The following DDX11 variants were observed in gnomAD, a reference collection of about 807,000 sequenced individuals.
DDX11 encodes ATP-dependent DNA helicase DDX11.
A neutral mutation model predicts 125.2 loss-of-function variants in DDX11; 72 were observed. That is an observed-to-expected ratio of 0.58 (90% CI 0.48 to 0.70). The LOEUF is 0.70. DDX11 is among the 30% of genes least tolerant of loss of function. The probability of loss-of-function intolerance (pLI) is 0.00; values close to 1 mark genes in which losing one functional copy is unlikely to be tolerated. For synonymous variants in DDX11, 347 were observed against 452.6 expected (o/e 0.77, Z 2.96); for missense variants, 883 against 1,165.0 (o/e 0.76, Z 3.52).
intron 9 of DDX11, 183 bp from the exon 10 acceptor site, chr12:31,091,536 A>G (rs1244021582): frequency 4.9e-6 from 3 of 614,706 alleles, no homozygotes; most frequent in Admixed American, 5.7e-5. Context: ...CCTGTGTTTC[A>G]TGTATTGGCT....
chr12:31,090,562 C>T (rs1382910258), intron 9 of DDX11, among the ~76,000 whole-genome samples: 9 of 152,076 alleles, frequency 5.9e-5, no homozygotes, highest in South Asian at 2.1e-4. Context: ...ACCTGCAGCA[C>T]GTGAGAATAC....
In DDX11 at chr12:31,078,527, C is replaced by T. The variant is rs1342410083; in HGVS notation, c.134C>T (p.Pro45Leu). 1.2e-6 allele frequency: 2 copies of T among 1,611,568 alleles called. No individual in the cohort carries two copies. Among genetic ancestry groups the T allele is most frequent in the Non-Finnish European group, 1.7e-6 (2 of 1,179,724 alleles). The change falls in exon 2 of 27, where the codon CCA (proline) becomes CTA (leucine). Residue 45 changes from proline (P) to leucine (L), a missense_variant. Pro to Leu is a moderately conservative substitution (Grantham distance 98). Transcript: ENST00000542838. Reference protein sequence around the residue: ...EAGKIGIFESPTGTGKSLSLI... With the variant: ...EAGKIGIFESLTGTGKSLSLI... ...GGCAAGATTGGGATATTTGAGAGTC[C>T]AACTGGCACTGTGAGTATGAACAGT...
chr12:31,097,629 G>A (rs1199162437), intron 17 of DDX11, among the ~76,000 whole-genome samples: 1 of 140,530 alleles, frequency 7.1e-6, no homozygotes, highest in Non-Finnish European at 1.5e-5. Flanking sequence ...GCAGGGAGCC[G>A]AGATTGAGCC....
At chr12:31,099,146 G>T (rs1243335094) in intron 18 of DDX11, among the ~76,000 whole-genome samples, 1 of 138,664 alleles carries the variant, frequency 7.2e-6, no homozygotes, top group Non-Finnish European at 1.5e-5. Flanking sequence ...GGAGCGCAGT[G>T]ACCTGATCAC....
At chr12:31,101,756 A>C (rs972948245) in intron 20 of DDX11, 77 bp from the exon 21 acceptor site, 2 of 1,591,802 alleles carry the variant, frequency 1.3e-6, no homozygotes, top group African/African-American at 2.7e-5. Context: ...TTTGAGTCTC[A>C]AGGTGAAGAC....
In DDX11 at chr12:31,087,883, G is replaced by A. The variant is rs983028312; in HGVS notation, c.639-55G>A. 2,550 of 1,580,952 alleles carry A rather than the reference G, an allele frequency of 1.6e-3. 6 individuals are homozygous for A. The highest frequency in any genetic ancestry group is 2.0e-3 in the Non-Finnish European group (2,321 of 1,164,844). The stretch of plus-strand genomic sequence containing the variant: ...CCAGCGCTCAGCAGATGCTCAGTGC[G>A]TTTTGCTGAGTTTGCTGAGGGAAGA... On this transcript the variant is annotated intron_variant, in intron 5 of 26. Coordinates refer to ENST00000542838, the MANE Select transcript of DDX11 (RefSeq NM_030653.4).
At chr12:31,081,460 TCAAGTTGAGTCAC>T (rs1941917945) in intron 2 of DDX11, among the ~76,000 whole-genome samples, 1 of 152,120 alleles carries the variant, frequency 6.6e-6, no homozygotes, top group South Asian at 2.1e-4. Context: ...TACAGGTCTA[TCAAGTTGAGTCAC>T]CATTACCACT....
rs548249822 is a variant in DDX11, at chr12:31,095,668, G to A, written c.1483-673G>A. ...TGTCTCCCACATGCCTGTGACAGCC[G>A]CCAGGCCTGACAGCCTGAGACAGTC... On this transcript the variant is annotated intron_variant, in intron 14 of 26. Coordinates refer to ENST00000542838, the MANE Select transcript of DDX11 (RefSeq NM_030653.4). 1.4e-3 allele frequency among the ~76,000 whole-genome samples: 215 copies of A among 152,242 alleles called. 2 individuals are homozygous for A. The highest frequency in any genetic ancestry group is 5.0e-3 in the African/African-American group (207 of 41,540).
chr12:31,078,419 G>C lies in DDX11; in HGVS notation c.26G>C (p.Gly9Ala), dbSNP rs527700858. 1 of 1,610,108 alleles carries C rather than the reference G, an allele frequency of 6.2e-7. No homozygotes were observed. The highest frequency in any genetic ancestry group is 8.5e-7 in the Non-Finnish European group (1 of 1,178,100). MANETQKVGAIHFPFPFTP... is the reference protein window; with the variant it reads MANETQKVAAIHFPFPFTP... ...ATGGCTAATGAAACACAGAAGGTTG[G>C]TGCCATCCATTTTCCTTTTCCCTTC... Residue 9 changes from glycine to alanine, a missense_variant, in exon 2 of 27, where the codon GGT becomes GCT. By Grantham distance (60) the Gly-to-Ala change is moderately conservative. This residue lies in a region of DDX11 where 283 missense variants were observed against 359.6 expected (regional missense o/e 0.79). Transcript: ENST00000542838.
Position 31,089,467 on chromosome 12 carries a change from T to G in DDX11, c.857T>G (p.Val286Gly). The G allele has an allele frequency of 6.2e-7, 1 of 1,613,822 alleles. No individual in the cohort carries two copies. Among genetic ancestry groups the G allele is most frequent in the Non-Finnish European group, 8.5e-7 (1 of 1,179,778 alleles). The change falls in exon 8 of 27, where the codon GTG (valine) becomes GGG (glycine). Residue 286 changes from valine to glycine, a missense_variant. Val to Gly is a moderately radical substitution (Grantham distance 109). Around this residue, in one of 5 missense-constraint regions of DDX11, gnomAD observed 283 missense variants for 359.6 expected, o/e 0.79. Coordinates refer to ENST00000542838, the MANE Select transcript of DDX11 (RefSeq NM_030653.4). Reference sequence around the variant, plus strand: ...GTGCAGCTTATCAACGACCGCTGTGTGGACATGCAGAGAAGCAGGCACGGT... The same window carrying G: ...GTGCAGCTTATCAACGACCGCTGTGGGGACATGCAGAGAAGCAGGCACGGT... ...GSVQLINDRC[V>G]DMQRSRHEKK...
intron 2 of DDX11, among the ~76,000 whole-genome samples, 185 bp from the exon 3 acceptor site, chr12:31,083,628 T>C (rs1309478003): frequency 6.6e-6 from 1 of 152,336 alleles, no homozygotes; most frequent in African/African-American, 2.4e-5. Flanking sequence ...TCCATTTCTT[T>C]CTTTTTTCTG....
chr12:31,092,218 A>T lies in DDX11; in HGVS notation c.1242+347A>T, dbSNP rs533937457. Among the ~76,000 whole-genome samples, 1,380 of 151,902 alleles carry T rather than the reference A, an allele frequency of 9.1e-3. 26 individuals are homozygous for T. Among genetic ancestry groups the T allele is most frequent in the African/African-American group, 0.031 (1,300 of 41,370 alleles). ...TCATTACTGAAGTTGTCTGGAGGGG[A>T]CTGAATTGAGGAATGCTCAAGATCA... On this transcript the variant is annotated intron_variant, in intron 10 of 26. Transcript: ENST00000542838.
At position 31,074,057 on chromosome 12, in the gene DDX11, G is replaced by T. The variant is rs1483861857; in HGVS notation, c.-39G>T. On this transcript the variant is annotated 5_prime_UTR_variant, in exon 1 of 27. Transcript: ENST00000542838. ...GCAGACTGGTGAAATCGCAAACTGG[G>T]CGTCTGTTCCGGCGCCGGACCCCTA... 6.6e-6 allele frequency: 1 copy of T among 152,282 alleles called. No homozygotes were observed. The highest frequency in any genetic ancestry group is 1.5e-5 in the Non-Finnish European group (1 of 68,096). 9.4% of individuals were successfully genotyped at this position (152,282 alleles called of 1,614,324 possible).
At chr12:31,099,631 G>A (rs1249558000) in intron 18 of DDX11, among the ~76,000 whole-genome samples, 6 of 151,256 alleles carry the variant, frequency 4.0e-5, no homozygotes, top group South Asian at 2.1e-4. Flanking sequence ...CTAAAGTCAC[G>A]TGGAACCAGG....
At position 31,103,568 on chromosome 12, in the gene DDX11, C is replaced by T. The variant is rs760613269; in HGVS notation, c.2537-9C>T. On this transcript the variant is annotated splice_polypyrimidine_tract_variant and intron_variant, in intron 25 of 26. Transcript: ENST00000542838. ...GTTGCTCGGAGCCCCAGCCTCTGTT[C>T]CTATGCAGGCAGGGCCATCAGGCAC... 8.1e-6 allele frequency: 13 copies of T among 1,613,838 alleles called. No homozygotes were observed. Among genetic ancestry groups the T allele is most frequent in the Non-Finnish European group, 1.1e-5 (13 of 1,179,872 alleles).
intron 8 of DDX11, 182 bp from the exon 9 acceptor site, chr12:31,089,704 T>C: frequency 2.3e-6 from 3 of 1,291,678 alleles, no homozygotes; most frequent in South Asian, 2.6e-5. Context: ...TTACGGGCTC[T>C]TTCTGGAGAA....
At position 31,089,449 on chromosome 12, in the gene DDX11, T is replaced by G. The variant is rs1402927435; in HGVS notation, c.839T>G (p.Leu280Arg). The change falls in exon 8 of 27, where the codon CTT becomes CGT. Residue 280 changes from leucine to arginine, a missense_variant. Leu to Arg is a moderately radical substitution (Grantham distance 102). Around this residue, in one of 5 missense-constraint regions of DDX11, gnomAD observed 283 missense variants for 359.6 expected, o/e 0.79. Coordinates refer to ENST00000542838, the MANE Select transcript of DDX11 (RefSeq NM_030653.4). ...GTGAAAAGCCTAGGTTCTGTGCAGC[T>G]TATCAACGACCGCTGTGTGGACATG... ...EDVKSLGSVQ[L>R]INDRCVDMQR... 1 of 1,613,966 alleles carries G rather than the reference T, an allele frequency of 6.2e-7. No individual in the cohort carries two copies. Among genetic ancestry groups the G allele is most frequent in the Admixed American group, 1.7e-5 (1 of 60,024 alleles).
intron 1 of DDX11, among the ~76,000 whole-genome samples, chr12:31,076,627 T>C (rs991092530): frequency 9.2e-5 from 14 of 152,222 alleles, no homozygotes; most frequent in African/African-American, 2.9e-4. Flanking sequence ...CCTTATAGTG[T>C]TGTACAGATT....
Position 31,102,929 on chromosome 12 carries a change from C to A in DDX11, c.2373-7C>A, listed in dbSNP as rs1238945021. On this transcript the variant is annotated splice_polypyrimidine_tract_variant and splice_region_variant and intron_variant, in intron 23 of 26. Coordinates refer to ENST00000542838, the MANE Select transcript of DDX11 (RefSeq NM_030653.4). ...CCACCTGCTGGGCTCTTGTCTCCCCCGCCCAGGTGTGTGGTGATGGTGGGC... is the reference window on the plus strand; with the variant it reads ...CCACCTGCTGGGCTCTTGTCTCCCCAGCCCAGGTGTGTGGTGATGGTGGGC... 9.9e-6 allele frequency: 16 copies of A among 1,613,786 alleles called. No homozygotes were observed. The highest frequency in any genetic ancestry group is 1.3e-5 in the African/African-American group (1 of 74,916).
Sources: allele counts gnomAD v4.1 joint callset (sites outside exome capture counted in the v4.1 genomes callset), GRCh38; gene constraint gnomAD v4.1.1; regional missense constraint gnomAD v4.1.1; transcripts MANE v1.5; gene names NCBI Gene and HGNC (gene_info 2026-07-23, HGNC 2026-07-21).